The following RGS7 variants were observed in gnomAD, a reference collection of about 807,000 sequenced individuals.
RGS7 encodes regulator of G protein signaling 7, also known as regulator of G-protein signaling 7.
Under a neutral mutation model 81.1 loss-of-function variants are expected in RGS7, and 27 were observed. The ratio of observed to expected loss-of-function variants is 0.33; its 90% confidence interval spans 0.25 to 0.46. The LOEUF (loss-of-function observed/expected upper bound fraction) is 0.46. Among genes scored for constraint, RGS7 ranks in the 20% least tolerant of loss-of-function variants. The probability of loss-of-function intolerance (pLI) is 1.00; values close to 1 mark genes in which losing one functional copy is unlikely to be tolerated. For missense variants in RGS7, 396 were observed against 607.4 expected, an observed-to-expected ratio of 0.65 and a Z score of 3.66; for synonymous variants, 208 against 207.7, an observed-to-expected ratio of 1.00 and a Z score of -0.01.
At chr1:240,820,320 T>C (rs1186336372) in intron 10 of RGS7, among the ~76,000 whole-genome samples, 3 of 152,222 alleles carry the variant, frequency 2.0e-5, no homozygotes, top group East Asian at 1.9e-4. Flanking sequence ...TTTATTCCTA[T>C]GGTGCTAAGA....
intron 9 of RGS7, among the ~76,000 whole-genome samples, chr1:240,848,331 T>C (rs1395742788): frequency 6.6e-6 from 1 of 152,208 alleles, no homozygotes; most frequent in Non-Finnish European, 1.5e-5. Context: ...ATTAAGTGAT[T>C]GGTGTCCTAT....
chr1:241,008,002 A>C (rs193263694), intron 3 of RGS7, among the ~76,000 whole-genome samples: 1 of 152,316 alleles, frequency 6.6e-6, no homozygotes, highest in Non-Finnish European at 1.5e-5. Context: ...GGACATTTAA[A>C]AGTCTTGAAG....
In RGS7 at chr1:240,877,245, T is replaced by C. The variant is rs1009347488; in HGVS notation, c.386-7126A>G. On this transcript the variant is annotated intron_variant, in intron 6 of 18. Coordinates refer to ENST00000440928, the MANE Select transcript of RGS7 (RefSeq NM_001364886.1). ...TAAAAGTCCAGAAAAATATATAAAG[T>C]AAAAAATATACAGTAAATATATATG... Among the ~76,000 whole-genome samples, 3 of 150,476 alleles carry C rather than the reference T, an allele frequency of 2.0e-5. No homozygotes were observed. In the Admixed American group the frequency reaches 2.0e-4, roughly 10 times the overall value.
At chr1:241,341,304 T>C (rs1349644961) in intron 2 of RGS7, among the ~76,000 whole-genome samples, 1 of 152,196 alleles carries the variant, frequency 6.6e-6, no homozygotes, top group Non-Finnish European at 1.5e-5. Context: ...ACTCGGTGTG[T>C]TGTGGAAAAG....
chr1:240,944,710 A>T (rs1678299916), intron 4 of RGS7, among the ~76,000 whole-genome samples: 1 of 152,080 alleles, frequency 6.6e-6, no homozygotes, highest in South Asian at 2.1e-4. Flanking sequence ...GTCAGGAGTA[A>T]GTCACTTCCT....
At chr1:240,941,896 C>T (rs1013789945) in intron 4 of RGS7, among the ~76,000 whole-genome samples, 1 of 151,056 alleles carries the variant, frequency 6.6e-6, no homozygotes, top group Non-Finnish European at 1.5e-5. Context: ...AGCAGCATCA[C>T]GCTTCACGGC....
chr1:241,012,067 AC>A (rs2058984155), intron 3 of RGS7, among the ~76,000 whole-genome samples: 1 of 151,942 alleles, frequency 6.6e-6, no homozygotes, highest in Non-Finnish European at 1.5e-5. Flanking sequence ...CTGGACTGGG[AC>A]CCCTTTCTGG....
Position 241,355,067 on chromosome 1 carries a change from C to T in RGS7, c.78+632G>A, listed in dbSNP as rs146843608. On this transcript the variant is annotated intron_variant, in intron 2 of 18. Transcript: ENST00000440928. ...ATAAGGCTGTCAAATCTATTTGTGG[C>T]CAAAAAAAAGCAACTCTGCAAGATA... Among the ~76,000 whole-genome samples, 683 of 151,572 alleles carry T rather than the reference C, an allele frequency of 4.5e-3. 4 individuals are homozygous for T. Among genetic ancestry groups the T allele is most frequent in the African/African-American group, 0.015 (637 of 41,332 alleles).
At chr1:240,807,764 G>A (rs1689129688) in intron 14 of RGS7, among the ~76,000 whole-genome samples, 1 of 152,142 alleles carries the variant, frequency 6.6e-6, no homozygotes, top group African/African-American at 2.4e-5. Flanking sequence ...GCTGGGCATG[G>A]TGGCTCACGT....
chr1:241,253,962 G>GT (rs1380832308), intron 2 of RGS7, among the ~76,000 whole-genome samples: 1 of 152,142 alleles, frequency 6.6e-6, no homozygotes, highest in Admixed American at 6.6e-5. Context: ...GAGGTTATTG[G>GT]TTTTGATGGT....
intron 6 of RGS7, among the ~76,000 whole-genome samples, chr1:240,911,568 T>G (rs1438289542): frequency 6.6e-6 from 1 of 152,200 alleles, no homozygotes. Flanking sequence ...CTCTTGTCTT[T>G]ACTTTAGAAT....
Position 241,020,174 on chromosome 1 carries a change from A to G in RGS7, c.176-37045T>C, listed in dbSNP as rs79995742. ...AGGGGATAACTTCTAAAAAACATCT[A>G]CTGCAAAGTCTGGTATGAAGTAGGG... is the stretch of plus-strand genomic sequence containing the variant. On this transcript the variant is annotated intron_variant, in intron 3 of 18. Transcript: ENST00000440928. Among the ~76,000 whole-genome samples, 570 of 152,360 alleles carry G rather than the reference A, an allele frequency of 3.7e-3. 5 individuals carry two copies. Among genetic ancestry groups the G allele is most frequent in the Middle Eastern group, 0.02 (6 of 294 alleles).
At chr1:241,078,512 T>C (rs1053194381) in intron 3 of RGS7, among the ~76,000 whole-genome samples, 7 of 151,764 alleles carry the variant, frequency 4.6e-5, no homozygotes, top group African/African-American at 1.7e-4. Context: ...TATATACACA[T>C]ACATATACAT....
intron 3 of RGS7, among the ~76,000 whole-genome samples, chr1:241,070,701 T>G (rs1234224140): frequency 2.0e-5 from 3 of 152,142 alleles, no homozygotes; most frequent in Non-Finnish European, 4.4e-5. Context: ...AGGCTGGGAA[T>G]GGGTCAAGTT....
At chr1:241,226,759 T>C (rs1047490310) in intron 2 of RGS7, among the ~76,000 whole-genome samples, 1 of 152,194 alleles carries the variant, frequency 6.6e-6, no homozygotes, top group Non-Finnish European at 1.5e-5. Context: ...AAGGAAGCCA[T>C]TGCCACCATT....
intron 4 of RGS7, among the ~76,000 whole-genome samples, chr1:240,955,705 A>G (rs1680299558): frequency 6.6e-6 from 1 of 152,224 alleles, no homozygotes; most frequent in Non-Finnish European, 1.5e-5. Context: ...GTCCAGGTAT[A>G]GACCCACAGA....
intron 3 of RGS7, among the ~76,000 whole-genome samples, chr1:241,011,071 G>T (rs1043153120): frequency 6.6e-6 from 1 of 152,118 alleles, no homozygotes; most frequent in Non-Finnish European, 1.5e-5. Flanking sequence ...AAGAAAGTTT[G>T]TCTCAAGCAG....
chr1:241,244,615 C>T (rs1218182554), intron 2 of RGS7, among the ~76,000 whole-genome samples: 1 of 152,090 alleles, frequency 6.6e-6, no homozygotes, highest in East Asian at 1.9e-4. Flanking sequence ...GGTATATACG[C>T]AAAGGATTAT....
At chr1:240,869,629 G>A (rs1664115320) in intron 7 of RGS7, among the ~76,000 whole-genome samples, 1 of 152,194 alleles carries the variant, frequency 6.6e-6, no homozygotes, top group South Asian at 2.1e-4. Flanking sequence ...CAGATCCCTA[G>A]AAATCTGACC....
Sources: allele counts gnomAD v4.1 joint callset (sites outside exome capture counted in the v4.1 genomes callset), GRCh38; gene constraint gnomAD v4.1.1; transcripts MANE v1.5; gene names NCBI Gene and HGNC (gene_info 2026-07-23, HGNC 2026-07-21).